The following CATSPERE variants were observed in gnomAD, a reference collection of about 807,000 sequenced individuals.
CATSPERE encodes catsper channel auxiliary subunit epsilon.
CATSPERE carries 93 observed loss-of-function variants against 114.1 expected under a neutral mutation model. The observed-to-expected ratio is 0.81, with a 90% confidence interval of 0.69 to 0.97. The LOEUF is 0.97. Among genes scored for constraint, CATSPERE ranks in the 50% least tolerant of loss-of-function variants. The pLI is 0.00. For missense variants in CATSPERE, 1,058 were observed against 1,131.6 expected, an observed-to-expected ratio of 0.93 and a Z score of 0.93; for synonymous variants, 341 against 384.1, an observed-to-expected ratio of 0.89 and a Z score of 1.31.
intron 8 of CATSPERE, among the ~76,000 whole-genome samples, chr1:244,551,582 G>C (rs963177997): frequency 1.3e-5 from 2 of 151,998 alleles, no homozygotes; most frequent in African/African-American, 4.8e-5. Flanking sequence ...GAGAGGTGGA[G>C]AGAAGATGTA....
At chr1:244,482,674 T>C (rs570457378) in intron 5 of CATSPERE, among the ~76,000 whole-genome samples, 2 of 152,104 alleles carry the variant, frequency 1.3e-5, no homozygotes, top group African/African-American at 4.8e-5. Context: ...ATAAAAAGGA[T>C]AGTAATGAAA....
chr1:244,529,212 C>T lies in CATSPERE; in HGVS notation c.536+10514C>T, dbSNP rs146969316. On this transcript the variant is annotated intron_variant, in intron 8 of 21. Coordinates refer to ENST00000366534, the MANE Select transcript of CATSPERE (RefSeq NM_001130957.2). ...ATACCTAGCACTGGGATTGCTGGAT[C>T]ATATGGTAGTTCTATTTTTAGCTTT... 4.8e-3 allele frequency among the ~76,000 whole-genome samples: 725 copies of T among 152,272 alleles called. 7 individuals are homozygous for T. The highest frequency in any genetic ancestry group is 0.017 in the African/African-American group (692 of 41,560).
At chr1:244,508,681 G>A (rs1033481071) in intron 7 of CATSPERE, among the ~76,000 whole-genome samples, 3 of 151,224 alleles carry the variant, frequency 2.0e-5, no homozygotes, top group Non-Finnish European at 4.4e-5. Flanking sequence ...CATTTTTTTG[G>A]TGGAATCTAG....
intron 2 of CATSPERE, among the ~76,000 whole-genome samples, chr1:244,466,618 C>T (rs1043899518): frequency 3.3e-5 from 5 of 151,976 alleles, no homozygotes; most frequent in Admixed American, 3.3e-4. Flanking sequence ...CAGCAGTAAC[C>T]ACTCTAGATA....
chr1:244,561,865 T>G (rs1392742843), intron 10 of CATSPERE, among the ~76,000 whole-genome samples: 1 of 152,132 alleles, frequency 6.6e-6, no homozygotes, highest in Middle Eastern at 3.2e-3. Flanking sequence ...AAGAAACTCC[T>G]GTGAGGCCAG....
chr1:244,465,334 A>G (rs944538270), intron 2 of CATSPERE, among the ~76,000 whole-genome samples: 3 of 152,168 alleles, frequency 2.0e-5, no homozygotes, highest in African/African-American at 7.2e-5. Flanking sequence ...GCGCCTGTCC[A>G]GGGCTCTTAT....
At chr1:244,488,362 TG>T (rs1170586633) in intron 5 of CATSPERE, among the ~76,000 whole-genome samples, 1 of 152,256 alleles carries the variant, frequency 6.6e-6, no homozygotes, top group East Asian at 1.9e-4. Context: ...ATTTCCATAA[TG>T]GTTTTTTCCC....
At chr1:244,614,365 C>CACACTTAGATTCTTTACAGTGACTCTA (rs1671111737) in intron 19 of CATSPERE, among the ~76,000 whole-genome samples, 3 of 152,170 alleles carry the variant, frequency 2.0e-5, no homozygotes, top group African/African-American at 7.2e-5. Flanking sequence ...GAGCACACAA[C>CACACTTAGATTCTTTACAGTGACTCTA]ACACTTAGAT....
intron 5 of CATSPERE, among the ~76,000 whole-genome samples, chr1:244,487,683 G>A (rs749093593): frequency 3.9e-5 from 6 of 152,254 alleles, no homozygotes; most frequent in Non-Finnish European, 7.4e-5. Flanking sequence ...GACAGAAGCA[G>A]CTTGTGGGAC....
chr1:244,617,649 T>C lies in CATSPERE; in HGVS notation c.2611T>C (p.Tyr871His). 6.5e-7 allele frequency: 1 copy of C among 1,544,406 alleles called. No individual in the cohort carries two copies. The highest frequency in any genetic ancestry group is 1.2e-5 in the South Asian group (1 of 81,860). Residue 871 changes from tyrosine to histidine, a missense_variant, in exon 20 of 22, where the codon TAT (tyrosine) becomes CAT (histidine). Physicochemically the swap from Tyr to His is moderately conservative, Grantham distance 83. This residue lies in a region of CATSPERE where 787 missense variants were observed against 905.6 expected (regional missense o/e 0.87). Transcript: ENST00000366534. The stretch of plus-strand genomic sequence containing the variant: ...TTGGCCCATGGGCCATTCTGGAATG[T>C]ATGTATTTCGTGTGAAGATCCTGGA... ...IFWPMGHSGM[Y>H]VFRVKILDPN...
At chr1:244,526,134 G>C (rs1306746848) in intron 8 of CATSPERE, among the ~76,000 whole-genome samples, 1 of 152,228 alleles carries the variant, frequency 6.6e-6, no homozygotes, top group Non-Finnish European at 1.5e-5. Context: ...TGTCAGGAAA[G>C]TGTGGTGACA....
rs1448450013 is a variant in CATSPERE at position 244,479,549 on chromosome 1, G to A, written c.259-168G>A. Among the ~76,000 whole-genome samples the A allele has an allele frequency of 3.3e-5, 5 of 152,020 alleles. No individual in the cohort carries two copies. The East Asian group carries it at 5.8e-4, about 18-fold the overall frequency. On this transcript the variant is annotated intron_variant, in intron 4 of 21. Transcript: ENST00000366534. ...AAATGTAATAAAAATGATAAAGATG[G>A]CAATATATAAATATTTAAATATATA...
intron 2 of CATSPERE, among the ~76,000 whole-genome samples, chr1:244,473,231 G>A (rs922958057): frequency 2.6e-5 from 4 of 152,196 alleles, no homozygotes; most frequent in Non-Finnish European, 5.9e-5. Flanking sequence ...CACCAGCAAT[G>A]AATGACAGTG....
At chr1:244,625,825 G>A (rs1460094095) in intron 20 of CATSPERE, among the ~76,000 whole-genome samples, 1 of 151,890 alleles carries the variant, frequency 6.6e-6, no homozygotes, top group Non-Finnish European at 1.5e-5. Context: ...CTGGGCTCAA[G>A]CAATCCTTTT....
chr1:244,527,257 T>TA (rs1426112568), intron 8 of CATSPERE, among the ~76,000 whole-genome samples: 7 of 152,128 alleles, frequency 4.6e-5, no homozygotes, highest in African/African-American at 1.7e-4. Context: ...GCTGCAACCG[T>TA]AAAAGAGAGC....
intron 2 of CATSPERE, among the ~76,000 whole-genome samples, chr1:244,465,653 G>A (rs1035232171): frequency 5.9e-5 from 9 of 152,018 alleles, no homozygotes; most frequent in African/African-American, 2.2e-4. Flanking sequence ...ATGAGTCTTC[G>A]GATCTGGTCC....
Position 244,621,321 on chromosome 1 carries a change from T to TCTATATAA in CATSPERE, c.2648+3635_2648+3636insCTATATAA, listed in dbSNP as rs1558611566. Among the ~76,000 whole-genome samples, 31 of 19,004 alleles carry TCTATATAA rather than the reference T, an allele frequency of 1.6e-3. 1 individual carries two copies. The highest frequency in any genetic ancestry group is 4.5e-3 in the African/African-American group (28 of 6,190). The allele number at this position is 19,004 out of a possible 152,430, so 12.5% of individuals were successfully genotyped here. A position where few individuals can be genotyped will look rare whatever the true frequency, so the allele number is the denominator to read the frequency against. On this transcript the variant is annotated intron_variant, in intron 20 of 21. Transcript: ENST00000366534. ...TAAATATATAAATATATAAAATATA[T>TCTATATAA]ATATATATATATATATATATATATT...
chr1:244,512,664 G>C (rs954844362), intron 7 of CATSPERE, among the ~76,000 whole-genome samples: 1 of 152,126 alleles, frequency 6.6e-6, no homozygotes. Flanking sequence ...GTCTTGCACA[G>C]ATACATTGGT....
chr1:244,522,771 C>T (rs1156375996), intron 8 of CATSPERE, among the ~76,000 whole-genome samples: 1 of 152,028 alleles, frequency 6.6e-6, no homozygotes, highest in African/African-American at 2.4e-5. Context: ...TACACTCTCC[C>T]AAGACTAAAC....
Sources: gnomAD v4.1 joint callset for allele counts (sites outside exome capture counted in the v4.1 genomes callset) on GRCh38, gnomAD v4.1.1 for gene constraint, gnomAD v4.1.1 regional missense constraint, MANE v1.5 for transcripts, NCBI Gene and HGNC (gene_info 2026-07-23, HGNC 2026-07-21) for gene names.